TNIK: variants seen among roughly 807,000 people sequenced by gnomAD.
TNIK encodes the protein TRAF2 and NCK-interacting protein kinase.
In TNIK, 49 loss-of-function variants were observed where a neutral mutation model predicts 191.3. That is an observed-to-expected ratio of 0.26 (90% confidence interval 0.20 to 0.32). The LOEUF is 0.32. Among genes scored for constraint, TNIK ranks in the 10% least tolerant of loss-of-function variants. TNIK has a pLI of 1.00. For missense variants in TNIK, 1,155 were observed against 1,702.3 expected (o/e 0.68, Z 5.66); for synonymous variants, 594 against 600.9 (o/e 0.99, Z 0.17).
intron 1 of TNIK, among the ~76,000 whole-genome samples, chr3:171,390,608 T>C (rs999897876): frequency 2.6e-5 from 4 of 152,234 alleles, no homozygotes; most frequent in African/African-American, 4.8e-5. Flanking sequence ...ATAACTGCCA[T>C]GCTGCACTTG....
At chr3:171,318,356 A>G (rs528128930) in intron 2 of TNIK, among the ~76,000 whole-genome samples, 11 of 152,332 alleles carry the variant, frequency 7.2e-5, no homozygotes, top group Admixed American at 6.5e-4. Context: ...ACTGAGTCCA[A>G]GTAATCATTT....
chr3:171,228,333 GGA>G, intron 2 of TNIK, 112 bp from the exon 3 acceptor site: 2 of 1,057,788 alleles, frequency 1.9e-6, no homozygotes, highest in Non-Finnish European at 2.8e-6. Flanking sequence ...GTCAATGGGG[GGA>G]GAGAGAAAGA....
intron 1 of TNIK, among the ~76,000 whole-genome samples, chr3:171,418,388 C>T (rs998545076): frequency 1.3e-5 from 2 of 152,100 alleles, no homozygotes; most frequent in Admixed American, 6.6e-5. Context: ...AAAAGTTGTA[C>T]ACAGATGTTC....
intron 11 of TNIK, among the ~76,000 whole-genome samples, chr3:171,160,919 T>C (rs961662574): frequency 2.2e-4 from 34 of 152,162 alleles, no homozygotes; most frequent in African/African-American, 8.0e-4. Flanking sequence ...AGTCCGAAAA[T>C]ACCACTTAGG....
chr3:171,099,809 A>C (rs1327806747), intron 22 of TNIK, among the ~76,000 whole-genome samples: 1 of 152,154 alleles, frequency 6.6e-6, no homozygotes, highest in Non-Finnish European at 1.5e-5. Context: ...GTGGGGAGTA[A>C]GTCCTAGATT....
At chr3:171,418,435 C>A (rs1450441469) in intron 1 of TNIK, among the ~76,000 whole-genome samples, 4 of 152,144 alleles carry the variant, frequency 2.6e-5, no homozygotes, top group African/African-American at 9.7e-5. Flanking sequence ...AAGGTAGAAA[C>A]AACCCAAATG....
chr3:171,149,326 C>A (rs972671462), intron 12 of TNIK, among the ~76,000 whole-genome samples: 2 of 152,230 alleles, frequency 1.3e-5, no homozygotes, highest in Non-Finnish European at 2.9e-5. Flanking sequence ...AACTGCCTAA[C>A]TCCAGGTTTT....
chr3:171,117,026 C>T lies in TNIK; in HGVS notation c.2121-6149G>A, dbSNP rs1726821812. ...GTGCTATCTCCCAGACTTTAGCCAT[C>T]TAGGAAGGGAACTATAAAAAGCATG... On this transcript the variant is annotated intron_variant, in intron 18 of 32. Coordinates refer to ENST00000436636, the MANE Select transcript of TNIK (RefSeq NM_015028.4). 2.0e-5 allele frequency among the ~76,000 whole-genome samples: 3 copies of T among 152,308 alleles called. No individual in the cohort carries two copies. The South Asian group carries it at 6.2e-4, about 32-fold the overall frequency.
Position 171,128,849 on chromosome 3 carries a change from T to C in TNIK, c.1638A>G (p.Gln546=). Residue 546 remains glutamine, a synonymous_variant, in exon 16 of 33, where the codon CAA becomes CAG. Coordinates refer to ENST00000436636, the MANE Select transcript of TNIK (RefSeq NM_015028.4). ...CCTTGTGAGGCATGGCAGGGGAACT[T>C]TGCCGGTTGAGCCTTGACCGTTCTT... ...EVEERSRLNR[Q]SSPAMPHKVA... is the part of the protein sequence containing the mutation. 6.4e-7 allele frequency: 1 copy of C among 1,568,302 alleles called. No individual in the cohort carries two copies. The highest frequency in any genetic ancestry group is 1.2e-5 in the South Asian group (1 of 85,632).
At chr3:171,444,169 T>C (rs1021391139) in intron 1 of TNIK, among the ~76,000 whole-genome samples, 8 of 152,130 alleles carry the variant, frequency 5.3e-5, no homozygotes, top group Admixed American at 1.3e-4. Flanking sequence ...TAAACAGACA[T>C]GCAATATAAG....
In TNIK at chr3:171,362,811, C is replaced by A. The variant is rs147863622; in HGVS notation, c.123+6809G>T. Among the ~76,000 whole-genome samples, 104 of 152,280 alleles carry A rather than the reference C, an allele frequency of 6.8e-4. No individual in the cohort carries two copies. In the East Asian group the frequency reaches 0.016, roughly 24 times the overall value. On this transcript the variant is annotated intron_variant, in intron 2 of 32. Transcript: ENST00000436636. ...AGACTAGGAATCCAGCTCAGGCAGTCCTGCTCCAAAGTCCTTTTCATTATA... is the reference window on the plus strand; with the variant it reads ...AGACTAGGAATCCAGCTCAGGCAGTACTGCTCCAAAGTCCTTTTCATTATA...
intron 15 of TNIK, among the ~76,000 whole-genome samples, chr3:171,129,367 T>A (rs1310921482): frequency 6.6e-6 from 1 of 152,196 alleles, no homozygotes; most frequent in African/African-American, 2.4e-5. Flanking sequence ...TTTCTTCACG[T>A]GTCCTACTGA....
chr3:171,079,302 G>A (rs1720380059), intron 28 of TNIK, among the ~76,000 whole-genome samples: 1 of 152,096 alleles, frequency 6.6e-6, no homozygotes, highest in Non-Finnish European at 1.5e-5. Context: ...AGATATAAAT[G>A]TTCAAACTGG....
intron 1 of TNIK, among the ~76,000 whole-genome samples, chr3:171,434,368 T>C (rs1009700709): frequency 6.6e-6 from 1 of 152,372 alleles, no homozygotes; most frequent in South Asian, 2.1e-4. Flanking sequence ...ATATCTTTAG[T>C]TGATTCTCTA....
At chr3:171,313,888 G>A (rs147510923) in intron 2 of TNIK, among the ~76,000 whole-genome samples, 20 of 152,146 alleles carry the variant, frequency 1.3e-4, no homozygotes, top group Non-Finnish European at 2.9e-4. Context: ...GCTTTCATCC[G>A]GGCACGGTAT....
intron 23 of TNIK, among the ~76,000 whole-genome samples, chr3:171,092,819 G>A (rs1722235912): frequency 6.6e-6 from 1 of 152,156 alleles, no homozygotes; most frequent in African/African-American, 2.4e-5. Context: ...GGAGAGCAAA[G>A]TCTGCTATTA....
At chr3:171,201,574 C>G (rs1414834275) in intron 4 of TNIK, among the ~76,000 whole-genome samples, 1 of 152,084 alleles carries the variant, frequency 6.6e-6, no homozygotes, top group African/African-American at 2.4e-5. Flanking sequence ...ATGGTGGAAA[C>G]AAAGTCCAAA....
intron 1 of TNIK, among the ~76,000 whole-genome samples, chr3:171,427,323 C>G (rs563762309): frequency 1.3e-5 from 2 of 152,160 alleles, no homozygotes; most frequent in Non-Finnish European, 2.9e-5. Flanking sequence ...CATCTCAGCT[C>G]TTATGTTTCT....
intron 21 of TNIK, among the ~76,000 whole-genome samples, chr3:171,104,104 C>T (rs540727058): frequency 2.9e-4 from 44 of 151,066 alleles, no homozygotes; most frequent in East Asian, 9.7e-4. Flanking sequence ...AGTTTGGAGG[C>T]GAGACATATA....
Sources: allele counts gnomAD v4.1 joint callset (sites outside exome capture counted in the v4.1 genomes callset), GRCh38; gene constraint gnomAD v4.1.1; transcripts MANE v1.5; gene names NCBI Gene and HGNC (gene_info 2026-07-23, HGNC 2026-07-21).